Variants in BLM observed in about 807,000 individuals in gnomAD.
BLM encodes recQ-like DNA helicase BLM.
In BLM, 95 loss-of-function variants were observed where a neutral mutation model predicts 135.3. The observed-to-expected ratio is 0.70, with a 90% CI of 0.59 to 0.83. The LOEUF (loss-of-function observed/expected upper bound fraction) is 0.83. BLM is among the 40% of genes least tolerant of loss of function. BLM has a pLI of 0.00. For synonymous variants in BLM, 520 were observed against 589.2 expected, an observed-to-expected ratio of 0.88 and a Z score of 1.70; for missense variants, 1,518 against 1,663.9, an observed-to-expected ratio of 0.91 and a Z score of 1.53.
chr15:90,796,237 T>C (rs1037051438), intron 16 of BLM, among the ~76,000 whole-genome samples: 6 of 152,350 alleles, frequency 3.9e-5, no homozygotes, highest in African/African-American at 1.2e-4. Context: ...GAATCTAATA[T>C]TGAATTACAT....
intron 1 of BLM, among the ~76,000 whole-genome samples, chr15:90,735,147 A>G (rs981779254): frequency 6.6e-6 from 1 of 150,574 alleles, no homozygotes; most frequent in African/African-American, 2.4e-5. Flanking sequence ...AGAAATCTTT[A>G]AAACACTTCT....
At chr15:90,808,471 C>T (rs145209595) in intron 19 of BLM, among the ~76,000 whole-genome samples, 16 of 152,352 alleles carry the variant, frequency 1.1e-4, no homozygotes, top group Admixed American at 5.2e-4. Flanking sequence ...CATCCTCACT[C>T]GCTCCTGCAA....
In BLM at chr15:90,811,405, G is replaced by A; in HGVS notation, c.4075G>A (p.Gly1359Arg). ...TGCTTCCAGTGGTTCCAAGGCAAAG[G>A]GGTATGTTTTGTGACATCTTTTTCA... is the stretch of plus-strand genomic sequence containing the variant. ...KTASSGSKAK[G>R]GSATCRKISS... The change falls in exon 21 of 22, where the codon GGG (glycine) becomes AGG (arginine). Residue 1359 changes from glycine to arginine, a missense_variant and splice_region_variant. Around this residue, in one of 5 missense-constraint regions of BLM, gnomAD observed 153 missense variants for 173.4 expected, o/e 0.88. Coordinates refer to ENST00000355112, the MANE Select transcript of BLM (RefSeq NM_000057.4). 1.2e-6 allele frequency: 2 copies of A among 1,613,968 alleles called. No homozygotes were observed. The highest frequency in any genetic ancestry group is 1.7e-6 in the Non-Finnish European group (2 of 1,179,904).
At position 90,803,604 on chromosome 15, in the gene BLM, A is replaced by G. The variant is rs1596267545; in HGVS notation, c.3442A>G (p.Lys1148Glu). The G allele has an allele frequency of 3.1e-6, 5 of 1,614,082 alleles. No individual in the cohort carries two copies. Among genetic ancestry groups the G allele is most frequent in the African/African-American group, 1.3e-5 (1 of 75,062 alleles). Residue 1148 changes from lysine to glutamate, a missense_variant, in exon 18 of 22, where the codon AAG becomes GAG. Lys to Glu is a moderately conservative substitution (Grantham distance 56). Coordinates refer to ENST00000355112, the MANE Select transcript of BLM (RefSeq NM_000057.4). ...SRHNAERLFK[K>E]LILDKILDED... is the part of the protein sequence containing the mutation. ...ACACAATGCCGAAAGACTTTTTAAA[A>G]AGCTGATACTTGACAAGATTTTGGA... is the stretch of plus-strand genomic sequence containing the variant.
chr15:90,783,059 C>T (rs1239319904), intron 13 of BLM, 131 bp downstream of exon 13: 2 of 693,792 alleles, frequency 2.9e-6, no homozygotes, highest in Non-Finnish European at 5.1e-6. Flanking sequence ...CTTTATAGAG[C>T]AGACTATTGC....
chr15:90,726,325 A>G (rs1240328864), intron 1 of BLM, among the ~76,000 whole-genome samples: 1 of 152,074 alleles, frequency 6.6e-6, no homozygotes, highest in Non-Finnish European at 1.5e-5. Flanking sequence ...CTGGAGTGCA[A>G]TGGCACAATC....
intron 2 of BLM, among the ~76,000 whole-genome samples, chr15:90,749,162 A>G (rs528437924): frequency 2.0e-5 from 3 of 152,340 alleles, no homozygotes; most frequent in East Asian, 1.9e-4. Context: ...TCAAAGCCAA[A>G]TAATTAGCCT....
At chr15:90,789,613 G>A (rs370962016) in intron 14 of BLM, among the ~76,000 whole-genome samples, 2 of 152,018 alleles carry the variant, frequency 1.3e-5, no homozygotes, top group Non-Finnish European at 2.9e-5. Flanking sequence ...GCCACTCACC[G>A]CCATTCCTGG....
At chr15:90,768,177 A>G (rs1192376111) in intron 10 of BLM, among the ~76,000 whole-genome samples, 2 of 152,132 alleles carry the variant, frequency 1.3e-5, no homozygotes. Context: ...TCCTGACCTC[A>G]GGCGATCTGC....
At chr15:90,780,040 C>T (rs8037430) in intron 12 of BLM, among the ~76,000 whole-genome samples, 52,556 of 150,080 alleles carry the variant, frequency 0.35, 9,977 homozygotes, top group African/African-American at 0.51. Context: ...GTGAGGCAAT[C>T]GTAAAAGGGA....
chr15:90,789,987 G>GTTTTTTTTTTGTTTTTTTTTTTTT (rs1896857678), intron 14 of BLM, among the ~76,000 whole-genome samples: 9 of 57,358 alleles, frequency 1.6e-4, no homozygotes, highest in African/African-American at 4.2e-4. Flanking sequence ...AGTCCCTGGT[G>GTTTTTTTTTTGTTTTTTTTTTTTT]TTTTTTTTTT....
Position 90,798,201 on chromosome 15 carries a change from A to G in BLM, c.3222A>G (p.Thr1074=). 1 of 1,606,468 alleles carries G rather than the reference A, an allele frequency of 6.2e-7. No homozygotes were observed. The highest frequency in any genetic ancestry group is 1.1e-5 in the South Asian group (1 of 90,690). ...DNCCKTKDYK[T]RDVTDDVKSI... ...CTTTTTATTCATAGGATTATAAAAC[A>G]AGAGATGTGACTGACGATGTGAAAA... The change falls in exon 17 of 22, where the codon ACA becomes ACG. Residue 1074 remains threonine (T), a synonymous_variant. Coordinates refer to ENST00000355112, the MANE Select transcript of BLM (RefSeq NM_000057.4).
At chr15:90,734,671 G>GCA (rs1318160966) in intron 1 of BLM, among the ~76,000 whole-genome samples, 2 of 135,216 alleles carry the variant, frequency 1.5e-5, no homozygotes, top group Non-Finnish European at 1.5e-5. Context: ...ACGCGCGCAC[G>GCA]CACGCACACA....
chr15:90,811,128 C>T lies in BLM; in HGVS notation c.3875-77C>T, dbSNP rs1039213455. ...TATCTGCTAAAATGGGCCCCTGCAG[C>T]GTGTCTCTTCATATACACTAAAAAC... is the stretch of plus-strand genomic sequence containing the variant. On this transcript the variant is annotated intron_variant, in intron 20 of 21. Coordinates refer to ENST00000355112, the MANE Select transcript of BLM (RefSeq NM_000057.4). The T allele has an allele frequency of 6.7e-6, 10 of 1,482,964 alleles. No homozygotes were observed. In the African/African-American group the frequency reaches 1.1e-4, roughly 16 times the overall value. 91.9% of individuals were successfully genotyped at this position (1,482,964 alleles called of 1,614,324 possible). A position where few individuals can be genotyped will look rare whatever the true frequency, so the allele number is the denominator to read the frequency against.
intron 14 of BLM, among the ~76,000 whole-genome samples, chr15:90,787,036 C>CTTTTTTT (rs11366266): frequency 1.7e-5 from 1 of 57,962 alleles, no homozygotes; most frequent in African/African-American, 8.5e-5. Flanking sequence ...TTAGGCATCT[C>CTTTTTTT]TTTTTTTTTT....
rs2029895948 is a variant in BLM, at chr15:90,815,640, T to C, written c.*361T>C. 3.4e-6 allele frequency: 1 copy of C among 294,808 alleles called. No individual in the cohort carries two copies. Among genetic ancestry groups the C allele is most frequent in the East Asian group, 6.8e-5 (1 of 14,718 alleles). 18.3% of individuals were successfully genotyped at this position (294,808 alleles called of 1,614,324 possible). ...TTCGTGTAAGACAACACAAACAAAA[T>C]TTAAAGACAAATGACGGGGAAAAGA... is the stretch of plus-strand genomic sequence containing the variant. On this transcript the variant is annotated 3_prime_UTR_variant, in exon 22 of 22. Transcript: ENST00000355112. This position sits in a 1 kb window ranked among gnomAD's most constrained non-coding sequence, Gnocchi z 4.6.
At chr15:90,766,030 G>T (rs1194508566) in intron 9 of BLM, among the ~76,000 whole-genome samples, 1 of 152,218 alleles carries the variant, frequency 6.6e-6, no homozygotes, top group African/African-American at 2.4e-5. Flanking sequence ...GGTCGCTAGA[G>T]CCCAGGAGTT....
intron 21 of BLM, among the ~76,000 whole-genome samples, chr15:90,811,870 C>T (rs563140635): frequency 1.3e-5 from 2 of 152,252 alleles, no homozygotes; most frequent in Admixed American, 6.5e-5. Context: ...GTTGCCCAGG[C>T]TGGTCTCAAA....
chr15:90,779,320 C>T lies in BLM; in HGVS notation c.2556-3502C>T, dbSNP rs921164308. Among the ~76,000 whole-genome samples the T allele has an allele frequency of 3.3e-5, 5 of 151,866 alleles. No homozygotes were observed. In the East Asian group the frequency reaches 9.6e-4, roughly 29 times the overall value. ...ACTTGTTTTTGTCTCTCTTTTTGACCCAAAGATTTTTTTAAATTAATAAAA... is the reference window on the plus strand; with the variant it reads ...ACTTGTTTTTGTCTCTCTTTTTGACTCAAAGATTTTTTTAAATTAATAAAA... On this transcript the variant is annotated intron_variant, in intron 12 of 21. Coordinates refer to ENST00000355112, the MANE Select transcript of BLM (RefSeq NM_000057.4).
Sources: gnomAD v4.1 joint callset for allele counts (sites outside exome capture counted in the v4.1 genomes callset) on GRCh38, gnomAD v4.1.1 for gene constraint, gnomAD v4.1.1 regional missense constraint, Gnocchi (gnomAD v3.1) non-coding constraint, MANE v1.5 for transcripts, NCBI Gene and HGNC (gene_info 2026-07-23, HGNC 2026-07-21) for gene names.